CNTN5: variants seen among roughly 807,000 people sequenced by gnomAD.
CNTN5 encodes the protein contactin 5.
In CNTN5, 77 loss-of-function variants were observed where a neutral mutation model predicts 129.1. The observed-to-expected ratio is 0.60, with a 90% CI of 0.50 to 0.72. CNTN5 has a LOEUF of 0.72. Ranked by LOEUF, CNTN5 falls within the 30% of genes least tolerant of loss-of-function variation. CNTN5 has a pLI of 0.00. For synonymous variants in CNTN5, 509 were observed against 465.6 expected, an observed-to-expected ratio of 1.09 and a Z score of -1.20; for missense variants, 1,478 against 1,328.8, an observed-to-expected ratio of 1.11 and a Z score of -1.75.
intron 7 of CNTN5, among the ~76,000 whole-genome samples, chr11:99,933,546 C>T (rs1014853070): frequency 4.6e-5 from 7 of 152,124 alleles, no homozygotes; most frequent in African/African-American, 7.2e-5. Flanking sequence ...GATGTGATTT[C>T]TGTCCCTATA....
At position 99,074,005 on chromosome 11, in the gene CNTN5, G is replaced by A. The variant is rs142662925; in HGVS notation, c.-210+52735G>A. The stretch of plus-strand genomic sequence containing the variant: ...ACACTCCCACCAACAGTGTAAAAGC[G>A]TTCCCAGTTTCTCCACAACCTCATC... On this transcript the variant is annotated intron_variant, in intron 1 of 24. Transcript: ENST00000524871. Among the ~76,000 whole-genome samples the A allele has an allele frequency of 2.7e-3, 408 of 152,154 alleles. 1 individual carries two copies. The highest frequency in any genetic ancestry group is 3.6e-3 in the Non-Finnish European group (243 of 67,984).
intron 1 of CNTN5, among the ~76,000 whole-genome samples, chr11:99,230,376 C>A (rs1443846264): frequency 1.3e-5 from 2 of 151,872 alleles, no homozygotes; most frequent in African/African-American, 2.4e-5. Context: ...GAGGGGAATT[C>A]AACTGATTTT....
intron 8 of CNTN5, among the ~76,000 whole-genome samples, chr11:99,971,895 A>T (rs890988926): frequency 1.3e-5 from 2 of 151,184 alleles, no homozygotes; most frequent in African/African-American, 4.9e-5. Context: ...GCAGGCCAGC[A>T]CTCAATAATG....
At chr11:99,848,752 C>G (rs1947781650) in intron 6 of CNTN5, among the ~76,000 whole-genome samples, 1 of 151,714 alleles carries the variant, frequency 6.6e-6, no homozygotes, top group South Asian at 2.1e-4. Context: ...TGTAAAATAC[C>G]TTTTTAGATT....
intron 1 of CNTN5, among the ~76,000 whole-genome samples, chr11:99,180,468 A>G (rs1046729610): frequency 2.6e-5 from 4 of 152,144 alleles, no homozygotes; most frequent in Non-Finnish European, 5.9e-5. Flanking sequence ...GCTCTTTGTG[A>G]CTGGGCTCAA....
intron 1 of CNTN5, among the ~76,000 whole-genome samples, chr11:99,181,036 C>G (rs1332845952): frequency 6.6e-6 from 1 of 152,132 alleles, no homozygotes; most frequent in African/African-American, 2.4e-5. Flanking sequence ...CGTGTAAGCT[C>G]AATATTTTAA....
chr11:99,460,650 C>T (rs1944662176), intron 2 of CNTN5, among the ~76,000 whole-genome samples: 1 of 151,712 alleles, frequency 6.6e-6, no homozygotes. Flanking sequence ...CTGGACTTAC[C>T]CTCCTGCCTA....
chr11:99,826,696 ATTATAG>A (rs1359246054), intron 4 of CNTN5, among the ~76,000 whole-genome samples: 1 of 152,186 alleles, frequency 6.6e-6, no homozygotes, highest in Non-Finnish European at 1.5e-5. Context: ...CACGTTATAT[ATTATAG>A]TTGTAGCAAA....
intron 6 of CNTN5, among the ~76,000 whole-genome samples, chr11:99,891,071 C>T (rs1949046343): frequency 6.6e-6 from 1 of 152,084 alleles, no homozygotes; most frequent in African/African-American, 2.4e-5. Flanking sequence ...ATATGGTCTT[C>T]TGGATGGGAT....
intron 2 of CNTN5, among the ~76,000 whole-genome samples, chr11:99,429,674 CT>C (rs1251460755): frequency 6.6e-6 from 1 of 151,836 alleles, no homozygotes; most frequent in African/African-American, 2.4e-5. Context: ...TATCTTTTAA[CT>C]GGACCTCTGA....
chr11:99,718,650 G>A (rs1943064924), intron 3 of CNTN5, among the ~76,000 whole-genome samples: 1 of 152,122 alleles, frequency 6.6e-6, no homozygotes, highest in South Asian at 2.1e-4. Context: ...GAGAAGAACA[G>A]AATATGAGGA....
At chr11:99,817,379 A>C (rs1238662496) in intron 3 of CNTN5, among the ~76,000 whole-genome samples, 1 of 152,228 alleles carries the variant, frequency 6.6e-6, no homozygotes, top group Admixed American at 6.5e-5. Flanking sequence ...CATTTGGCTC[A>C]TCTCTGTATG....
chr11:99,349,352 A>G (rs886752137), intron 2 of CNTN5, among the ~76,000 whole-genome samples: 1 of 152,154 alleles, frequency 6.6e-6, no homozygotes, highest in African/African-American at 2.4e-5. Flanking sequence ...TGGCAGAGAT[A>G]TAGATAGATT....
At chr11:99,426,475 T>G (rs1356486403) in intron 2 of CNTN5, among the ~76,000 whole-genome samples, 1 of 152,184 alleles carries the variant, frequency 6.6e-6, no homozygotes, top group African/African-American at 2.4e-5. Flanking sequence ...ACAAATCTAT[T>G]AAATTTTAAT....
intron 16 of CNTN5, among the ~76,000 whole-genome samples, chr11:100,250,282 A>G (rs1949937439): frequency 6.6e-6 from 1 of 152,124 alleles, no homozygotes; most frequent in Non-Finnish European, 1.5e-5. Context: ...TCCGTCTAAT[A>G]TAATTATATT....
chr11:99,430,521 T>C (rs982182056), intron 2 of CNTN5, among the ~76,000 whole-genome samples: 2 of 150,602 alleles, frequency 1.3e-5, no homozygotes, highest in Non-Finnish European at 3.0e-5. Flanking sequence ...TCTCTCTATA[T>C]ATATATAGCT....
At chr11:99,826,653 T>C (rs375962097) in intron 4 of CNTN5, among the ~76,000 whole-genome samples, 94 of 152,286 alleles carry the variant, frequency 6.2e-4, no homozygotes, top group African/African-American at 2.1e-3. Context: ...GGCAAAGGGG[T>C]AAGAGAGAAC....
At chr11:99,786,214 G>A (rs1175202928) in intron 3 of CNTN5, among the ~76,000 whole-genome samples, 1 of 152,034 alleles carries the variant, frequency 6.6e-6, no homozygotes, top group Non-Finnish European at 1.5e-5. Flanking sequence ...ACCAATAATA[G>A]ACAAACAGGG....
intron 3 of CNTN5, among the ~76,000 whole-genome samples, chr11:99,773,430 A>G (rs1459147222): frequency 6.6e-6 from 1 of 152,086 alleles, no homozygotes; most frequent in Non-Finnish European, 1.5e-5. Context: ...TATAAAAACT[A>G]TTAGAAATCC....
Sources: allele counts gnomAD v4.1 joint callset (sites outside exome capture counted in the v4.1 genomes callset), GRCh38; gene constraint gnomAD v4.1.1; transcripts MANE v1.5; gene names NCBI Gene and HGNC (gene_info 2026-07-23, HGNC 2026-07-21).